TBC1D5: variants seen among roughly 807,000 people sequenced by gnomAD.
TBC1D5 encodes the protein TBC1 domain family member 5.
In TBC1D5, 75 loss-of-function variants were observed where a neutral mutation model predicts 100.3. That is an observed-to-expected ratio of 0.75 (90% CI 0.62 to 0.91). TBC1D5 has a LOEUF of 0.91. TBC1D5 is among the 40% of genes least tolerant of loss of function. The pLI, the probability that TBC1D5 is intolerant of heterozygous loss-of-function variation, is 0.00. For synonymous variants in TBC1D5, 323 were observed against 325.6 expected (o/e 0.99, Z 0.09); for missense variants, 910 against 942.4 (o/e 0.97, Z 0.45).
intron 2 of TBC1D5, among the ~76,000 whole-genome samples, chr3:17,599,393 T>G (rs146927836): frequency 6.6e-6 from 1 of 152,212 alleles, no homozygotes; most frequent in South Asian, 2.1e-4. Flanking sequence ...AGGAGTTCGG[T>G]TGGGGATGAT....
chr3:17,713,447 T>G (rs934054132), intron 1 of TBC1D5, among the ~76,000 whole-genome samples: 1 of 152,060 alleles, frequency 6.6e-6, no homozygotes, highest in Non-Finnish European at 1.5e-5. Flanking sequence ...TTTCACCATG[T>G]TAACCAGGAT....
Position 17,683,529 on chromosome 3 carries a change from C to T in TBC1D5, c.-101+55814G>A, listed in dbSNP as rs1038088348. ...AAAGATGACTAAATGTTATACAAAA[C>T]GAATATACTTTGCAAGTTAAATATT... On this transcript the variant is annotated intron_variant, in intron 1 of 21. Transcript: ENST00000253692. Among the ~76,000 whole-genome samples the T allele has an allele frequency of 1.8e-4, 27 of 151,988 alleles. 1 individual carries two copies. The highest frequency in any genetic ancestry group is 5.3e-4 in the African/African-American group (22 of 41,372).
rs531359328 is a variant in TBC1D5, at chr3:17,518,112, A to G, written c.-35-9507T>C. ...GCTAAATAAAAACAGTAGAGTAGGA[A>G]CAGACTAGAAGAGGGAAGAAGTGAT... On this transcript the variant is annotated intron_variant, in intron 2 of 21. Coordinates refer to ENST00000253692, the Ensembl canonical transcript of TBC1D5. 2.0e-5 allele frequency among the ~76,000 whole-genome samples: 3 copies of G among 152,322 alleles called. No individual in the cohort carries two copies. The South Asian group carries it at 6.2e-4, about 32-fold the overall frequency.
At chr3:17,569,715 A>G (rs2096614809) in intron 2 of TBC1D5, among the ~76,000 whole-genome samples, 1 of 151,406 alleles carries the variant, frequency 6.6e-6, no homozygotes, top group South Asian at 2.1e-4. Context: ...TGTTAGGAAA[A>G]AAGAAAAACA....
At chr3:17,592,574 G>A (rs551576071) in intron 2 of TBC1D5, among the ~76,000 whole-genome samples, 3 of 152,312 alleles carry the variant, frequency 2.0e-5, no homozygotes, top group African/African-American at 2.4e-5. Flanking sequence ...TCCTCATCTG[G>A]GTTTGTTACT....
At chr3:17,385,215 G>A (rs567499191) in intron 8 of TBC1D5, among the ~76,000 whole-genome samples, 1 of 152,102 alleles carries the variant, frequency 6.6e-6, no homozygotes, top group Admixed American at 6.6e-5. Flanking sequence ...AGATATTCAG[G>A]AATAAGACGC....
At chr3:17,658,939 T>C (rs896490278) in intron 1 of TBC1D5, among the ~76,000 whole-genome samples, 2 of 152,178 alleles carry the variant, frequency 1.3e-5, no homozygotes, top group South Asian at 2.1e-4. Flanking sequence ...ATTACAGGTG[T>C]GAGTCACTGC....
At chr3:17,207,121 G>A (rs76915544) in intron 18 of TBC1D5, among the ~76,000 whole-genome samples, 6,014 of 152,024 alleles carry the variant, frequency 0.04, 227 homozygotes, top group East Asian at 0.21. Flanking sequence ...TAAATTTTTT[G>A]TAGACATGGA....
At chr3:17,439,880 T>G (rs2094613060) in intron 3 of TBC1D5, among the ~76,000 whole-genome samples, 2 of 152,226 alleles carry the variant, frequency 1.3e-5, no homozygotes, top group Non-Finnish European at 2.9e-5. Context: ...TAGTTATCAC[T>G]TATTGAGCAT....
chr3:17,362,388 C>T (rs2091801380), intron 13 of TBC1D5, among the ~76,000 whole-genome samples: 1 of 152,074 alleles, frequency 6.6e-6, no homozygotes, highest in Admixed American at 6.6e-5. Flanking sequence ...TGACAATGGA[C>T]TTGTATCCAG....
At position 17,278,488 on chromosome 3, in the gene TBC1D5, A is replaced by G. The variant is rs576009810; in HGVS notation, c.1245+13407T>C. Among the ~76,000 whole-genome samples, 16 of 152,360 alleles carry G rather than the reference A, an allele frequency of 1.1e-4. No individual in the cohort carries two copies. The South Asian group carries it at 2.7e-3, about 26-fold the overall frequency. ...GCACAACAGAGTATTTAAATGAGAT[A>G]GAAATGAATTAAGCTATATTTAATT... On this transcript the variant is annotated intron_variant, in intron 15 of 21. Transcript: ENST00000253692.
At chr3:17,544,594 T>C (rs1288599854) in intron 2 of TBC1D5, among the ~76,000 whole-genome samples, 1 of 144,478 alleles carries the variant, frequency 6.9e-6, no homozygotes, top group African/African-American at 2.6e-5. Context: ...GAGGTTGCAG[T>C]GAGCCGAGAT....
chr3:17,544,809 C>A (rs1005623130), intron 2 of TBC1D5, among the ~76,000 whole-genome samples: 1 of 152,144 alleles, frequency 6.6e-6, no homozygotes, highest in African/African-American at 2.4e-5. Context: ...TCTCCTATTT[C>A]TACCACTAGA....
At chr3:17,404,754 C>T (rs375292280) in exon 7 of TBC1D5, 10 of 1,607,744 alleles carry the variant, frequency 6.2e-6, no homozygotes, top group Admixed American at 1.7e-5. Context: ...CAACCTTCCT[C>T]GGGTTGGTAA....
chr3:17,433,866 G>A (rs940522070), intron 3 of TBC1D5, among the ~76,000 whole-genome samples: 4 of 152,104 alleles, frequency 2.6e-5, no homozygotes, highest in Admixed American at 1.3e-4. Flanking sequence ...CAATACACCC[G>A]CTCCAAATGA....
At chr3:17,705,799 G>C (rs2074060558) in intron 1 of TBC1D5, among the ~76,000 whole-genome samples, 1 of 141,870 alleles carries the variant, frequency 7.0e-6, no homozygotes, top group Admixed American at 7.0e-5. Flanking sequence ...TCACATCCCA[G>C]ACGATGGGCG....
chr3:17,481,389 C>T (rs2095500080), intron 3 of TBC1D5, among the ~76,000 whole-genome samples: 2 of 152,170 alleles, frequency 1.3e-5, no homozygotes, highest in East Asian at 1.9e-4. Flanking sequence ...GTCCAGCAGG[C>T]ACAAGCAGTA....
chr3:17,632,833 T>C (rs1191471074), intron 1 of TBC1D5, among the ~76,000 whole-genome samples: 1 of 152,186 alleles, frequency 6.6e-6, no homozygotes, highest in African/African-American at 2.4e-5. Flanking sequence ...GTAAACATGA[T>C]TTTTATATGC....
chr3:17,593,145 C>G (rs975273518), intron 2 of TBC1D5, among the ~76,000 whole-genome samples: 1 of 152,104 alleles, frequency 6.6e-6, no homozygotes, highest in Admixed American at 6.5e-5. Context: ...CAGTTTGCAC[C>G]GATGACCTCA....
Sources: gnomAD v4.1 joint callset for allele counts (sites outside exome capture counted in the v4.1 genomes callset) on GRCh38, gnomAD v4.1.1 for gene constraint, MANE v1.5 for transcripts, NCBI Gene and HGNC (gene_info 2026-07-23, HGNC 2026-07-21) for gene names.